The following FADS6 variants were observed in gnomAD, a reference collection of about 807,000 sequenced individuals.
FADS6 encodes the protein fatty acid desaturase domain family, member 6.
In FADS6, 28 loss-of-function variants were observed where a neutral mutation model predicts 31.7. The ratio of observed to expected loss-of-function variants is 0.88; its 90% CI spans 0.66 to 1.21. The LOEUF is 1.21. FADS6 is among the 50% of genes most tolerant of loss of function. FADS6 has a pLI of 0.00. For synonymous variants in FADS6, 191 were observed against 213.1 expected (o/e 0.90, Z 0.90); for missense variants, 494 against 504.2 (o/e 0.98, Z 0.19).
At chr17:74,892,436 G>A (rs2038698395) in intron 2 of FADS6, 87 bp downstream of exon 2, 1 of 1,489,804 alleles carries the variant, frequency 6.7e-7, no homozygotes, top group Non-Finnish European at 9.0e-7. Flanking sequence ...CACATGCACA[G>A]CTGGACACAC....
At chr17:74,883,762 C>T (rs1031028390) in intron 2 of FADS6, among the ~76,000 whole-genome samples, 1 of 152,094 alleles carries the variant, frequency 6.6e-6, no homozygotes, top group Non-Finnish European at 1.5e-5. Flanking sequence ...TTGCAACCTC[C>T]GCCTCCTGGG....
Position 74,878,227 on chromosome 17 carries a change from C to A in FADS6, c.*104G>T. 6.8e-7 allele frequency: 1 copy of A among 1,468,722 alleles called. No individual in the cohort carries two copies. 91.0% of individuals were successfully genotyped at this position (1,468,722 alleles called of 1,614,324 possible). A position where few individuals can be genotyped will look rare whatever the true frequency, so the allele number is the denominator to read the frequency against. ...CTGCCTGGCCGGTGCCTCCACTCTC[C>A]AGGTCCACCACCAGCCACTGAGCCA... On this transcript the variant is annotated 3_prime_UTR_variant, in exon 6 of 6. Coordinates refer to ENST00000612771, the MANE Select transcript of FADS6 (RefSeq NM_178128.6).
intron 2 of FADS6, among the ~76,000 whole-genome samples, chr17:74,888,300 T>C (rs2038652385): frequency 6.6e-6 from 1 of 152,184 alleles, no homozygotes; most frequent in Non-Finnish European, 1.5e-5. Context: ...CCTGTGAATC[T>C]ATAATTATTT....
Position 74,878,200 on chromosome 17 carries a change from C to G in FADS6, c.*131G>C. The G allele has an allele frequency of 9.7e-6, 14 of 1,442,638 alleles. No individual in the cohort carries two copies. Among genetic ancestry groups the G allele is most frequent in the Non-Finnish European group, 1.1e-5 (12 of 1,101,770 alleles). The allele number at this position is 1,442,638 out of a possible 1,614,324, so 89.4% of individuals were successfully genotyped here. A position where few individuals can be genotyped will look rare whatever the true frequency, so the allele number is the denominator to read the frequency against. On this transcript the variant is annotated 3_prime_UTR_variant, in exon 6 of 6. Coordinates refer to ENST00000612771, the MANE Select transcript of FADS6 (RefSeq NM_178128.6). Reference sequence around the variant, plus strand: ...ACCCCAGGCCTGAGCTCCCCTGCCCCCCTGCCTGGCCGGTGCCTCCACTCT... The same window carrying G: ...ACCCCAGGCCTGAGCTCCCCTGCCCGCCTGCCTGGCCGGTGCCTCCACTCT...
intron 2 of FADS6, among the ~76,000 whole-genome samples, chr17:74,889,148 G>C (rs956262984): frequency 3.3e-5 from 5 of 152,194 alleles, no homozygotes; most frequent in African/African-American, 1.2e-4. Context: ...AGATCCAATG[G>C]CCCAGCTTGG....
downstream of FADS6, among the ~76,000 whole-genome samples, chr17:74,874,982 G>C (rs1269964954): frequency 6.6e-6 from 1 of 152,228 alleles, no homozygotes; most frequent in Middle Eastern, 3.4e-3. Flanking sequence ...GCTCCATGAG[G>C]ATGGGGACCC....
At chr17:74,875,178 T>C (rs1465951525), downstream of FADS6, among the ~76,000 whole-genome samples, 3 of 152,218 alleles carry the variant, frequency 2.0e-5, no homozygotes, top group Non-Finnish European at 2.9e-5. Context: ...CTATATGACA[T>C]TGAGAAATTT....
In FADS6 at chr17:74,892,426, C is replaced by T. The variant is rs187312577; in HGVS notation, c.411+97G>A. 2.2e-4 allele frequency: 316 copies of T among 1,438,318 alleles called. 3 individuals are homozygous for T. In the East Asian group the frequency reaches 6.6e-3, roughly 30 times the overall value. 89.1% of individuals were successfully genotyped at this position (1,438,318 alleles called of 1,614,324 possible). A position where few individuals can be genotyped will look rare whatever the true frequency, so the allele number is the denominator to read the frequency against. On this transcript the variant is annotated intron_variant, in intron 2 of 5. Coordinates refer to ENST00000612771, the MANE Select transcript of FADS6 (RefSeq NM_178128.6). ...AGCTGCAGCGGCCTGCCCCCGTGGG[C>T]ACATGCACAGCTGGACACACCCGCA...
At chr17:74,877,084 C>G (rs1395439301), downstream of FADS6, among the ~76,000 whole-genome samples, 2 of 152,124 alleles carry the variant, frequency 1.3e-5, no homozygotes, top group East Asian at 3.9e-4. Flanking sequence ...ACAGCCCTGC[C>G]CAGCCCTGAC....
At chr17:74,881,734 A>G (rs910474615) in intron 3 of FADS6, among the ~76,000 whole-genome samples, 4 of 142,488 alleles carry the variant, frequency 2.8e-5, no homozygotes, top group African/African-American at 1.1e-4. Flanking sequence ...AAGACTCTGA[A>G]AAAAAAAAAA....
chr17:74,889,362 G>GAGA (rs2144723510), intron 2 of FADS6, among the ~76,000 whole-genome samples: 1 of 152,242 alleles, frequency 6.6e-6, no homozygotes, highest in South Asian at 2.1e-4. Context: ...GATCCTAAGA[G>GAGA]AGAAGGCACC....
intron 2 of FADS6, among the ~76,000 whole-genome samples, chr17:74,886,458 TAAAAAAA>T (rs60503024): frequency 1.2e-4 from 10 of 82,924 alleles, no homozygotes; most frequent in Non-Finnish European, 2.2e-4. Flanking sequence ...AAATCCTGTC[TAAAAAAA>T]AAAAAAAAAA....
chr17:74,888,146 A>ATG (rs1555625263), intron 2 of FADS6, among the ~76,000 whole-genome samples: 36 of 113,626 alleles, frequency 3.2e-4, no homozygotes, highest in South Asian at 9.7e-4. Flanking sequence ...ACACACACAC[A>ATG]CACACACACG....
intron 3 of FADS6, 47 bp from the exon 4 acceptor site, chr17:74,881,302 G>A (rs1428239016): frequency 1.3e-6 from 2 of 1,514,820 alleles, no homozygotes; most frequent in Non-Finnish European, 1.8e-6. Flanking sequence ...CATCAGGAGG[G>A]GCTCCCTGCT....
At chr17:74,888,172 G>GCC (rs1279938112) in intron 2 of FADS6, among the ~76,000 whole-genome samples, 1 of 146,716 alleles carries the variant, frequency 6.8e-6, no homozygotes, top group Non-Finnish European at 1.5e-5. Context: ...GCGCGCGCGC[G>GCC]CAGAGTACCA....
intron 2 of FADS6, among the ~76,000 whole-genome samples, chr17:74,888,362 T>C (rs964433566): frequency 4.6e-5 from 7 of 152,086 alleles, no homozygotes; most frequent in Non-Finnish European, 1.0e-4. Flanking sequence ...AAATCTGAGT[T>C]TTCTCTCCAA....
intron 2 of FADS6, 70 bp from the exon 3 acceptor site, chr17:74,882,780 G>T: frequency 2.6e-6 from 4 of 1,547,800 alleles, no homozygotes; most frequent in Non-Finnish European, 3.5e-6. Context: ...GGACCTTTGA[G>T]AGCCCGGAGA....
At chr17:74,882,473 G>C (rs948907573) in intron 3 of FADS6, 57 bp downstream of exon 3, 1 of 1,528,750 alleles carries the variant, frequency 6.5e-7, no homozygotes, top group African/African-American at 1.4e-5. Flanking sequence ...CAGGGGAGGA[G>C]AGCAGGGGAA....
chr17:74,882,695 TGAAGGCTGTG>T lies in FADS6; in HGVS notation c.417_426del (p.Cys139Ter). The T allele has an allele frequency of 6.2e-7, 1 of 1,609,950 alleles. No homozygotes were observed. Among genetic ancestry groups the T allele is most frequent in the Non-Finnish European group, 8.5e-7 (1 of 1,178,670 alleles). On this transcript the variant is annotated frameshift_variant, in exon 3 of 6. Transcript: ENST00000612771. LOFTEE classifies it high-confidence loss of function. Reference sequence around the variant, plus strand: ...TGCCCATGCGTGGCGTGCTCTGCAGTGAAGGCTGTGCACACCTAGAGGAGGGAACCAGAAA... The same window carrying T: ...TGCCCATGCGTGGCGTGCTCTGCAGTCACACCTAGAGGAGGGAACCAGAAA...
Sources: allele counts gnomAD v4.1 joint callset (sites outside exome capture counted in the v4.1 genomes callset), GRCh38; gene constraint gnomAD v4.1.1; transcripts MANE v1.5; gene names NCBI Gene and HGNC (gene_info 2026-07-23, HGNC 2026-07-21).